Variants in CACNA1C observed in about 807,000 individuals in gnomAD.
The protein encoded by CACNA1C is calcium voltage-gated channel subunit alpha1 C, also known as voltage-dependent L-type calcium channel subunit alpha-1C.
A neutral mutation model predicts 229.0 loss-of-function variants in CACNA1C; 30 were observed. That is an observed-to-expected ratio of 0.13 (90% CI 0.10 to 0.18). CACNA1C has a LOEUF of 0.18. CACNA1C is among the 10% of genes least tolerant of loss of function. The pLI is 1.00. For synonymous variants in CACNA1C, 1,114 were observed against 1,132.5 expected, an observed-to-expected ratio of 0.98 and a Z score of 0.33; for missense variants, 1,658 against 2,845.0, an observed-to-expected ratio of 0.58 and a Z score of 9.49.
At position 2,653,264 on chromosome 12, in the gene CACNA1C, G is replaced by T. The variant is rs1370287127; in HGVS notation, c.4075-571G>T. Among the ~76,000 whole-genome samples the T allele has an allele frequency of 6.6e-6, 1 of 152,192 alleles. No individual in the cohort carries two copies. Among genetic ancestry groups the T allele is most frequent in the Non-Finnish European group, 1.5e-5 (1 of 68,038 alleles). ...GTATTATTATTGTTTCCATTTTTCTGATGAGGAGACTGAAGTTCAGAGAAG... is the reference window on the plus strand; with the variant it reads ...GTATTATTATTGTTTCCATTTTTCTTATGAGGAGACTGAAGTTCAGAGAAG... On this transcript the variant is annotated intron_variant, in intron 32 of 46. Transcript: ENST00000399655. This position sits in a 1 kb window ranked among gnomAD's most constrained non-coding sequence, Gnocchi z 4.7.
At chr12:2,227,737 A>T (rs1417996120) in intron 3 of CACNA1C, among the ~76,000 whole-genome samples, 1 of 152,190 alleles carries the variant, frequency 6.6e-6, no homozygotes, top group Non-Finnish European at 1.5e-5. Flanking sequence ...TACTGATCCT[A>T]AGACATGTTT....
At chr12:2,577,624 C>A (rs1382928060) in intron 13 of CACNA1C, among the ~76,000 whole-genome samples, 2 of 152,216 alleles carry the variant, frequency 1.3e-5, no homozygotes, top group African/African-American at 4.8e-5. Context: ...CACACGCACA[C>A]AAACACACAT....
intron 3 of CACNA1C, among the ~76,000 whole-genome samples, chr12:2,396,293 A>C (rs2098572580): frequency 6.6e-6 from 1 of 152,298 alleles, no homozygotes; most frequent in African/African-American, 2.4e-5. Context: ...ACTCTGGGAA[A>C]CATGGAAATA....
intron 31 of CACNA1C, 95 bp downstream of exon 31, chr12:2,648,602 C>A (rs2094581486): frequency 9.0e-7 from 1 of 1,107,148 alleles, no homozygotes; most frequent in African/African-American, 1.5e-5. Flanking sequence ...CCTGGGAGCC[C>A]TGCCTGGCTC....
chr12:2,067,184 G>C lies in CACNA1C; in HGVS notation c.49+13573G>C, dbSNP rs181423174. On this transcript the variant is annotated intron_variant, in intron 1 of 46. Coordinates refer to ENST00000399655, the MANE Select transcript of CACNA1C (RefSeq NM_000719.7). This position sits in a 1 kb window ranked among gnomAD's most constrained non-coding sequence, Gnocchi z 5.3. ...GGCGTGCCAAGCTCGAGCTGGTGTGGGAGAATCAAGGTGGCCAGTGGGATG... is the reference window on the plus strand; with the variant it reads ...GGCGTGCCAAGCTCGAGCTGGTGTGCGAGAATCAAGGTGGCCAGTGGGATG... 1.1e-3 allele frequency among the ~76,000 whole-genome samples: 160 copies of C among 152,232 alleles called. No individual in the cohort carries two copies. The highest frequency in any genetic ancestry group is 1.7e-3 in the Non-Finnish European group (119 of 68,002).
At chr12:2,087,999 C>T (rs1322112740) in intron 1 of CACNA1C, among the ~76,000 whole-genome samples, 1 of 152,164 alleles carries the variant, frequency 6.6e-6, no homozygotes, top group Non-Finnish European at 1.5e-5. Context: ...GCAGGTTACT[C>T]ACTTGGGTAG....
At chr12:2,183,246 C>CAA (rs74801864) in intron 3 of CACNA1C, among the ~76,000 whole-genome samples, 3,022 of 146,270 alleles carry the variant, frequency 0.021, 100 homozygotes, top group African/African-American at 0.07. Flanking sequence ...ATTCCTGGCT[C>CAA]AAAAAAAAAA....
chr12:2,577,187 C>A (rs1020366312), intron 13 of CACNA1C, among the ~76,000 whole-genome samples: 3 of 152,228 alleles, frequency 2.0e-5, no homozygotes, highest in Non-Finnish European at 2.9e-5. Flanking sequence ...ACAACCATAT[C>A]TCTGTCTGTC....
intron 1 of CACNA1C, among the ~76,000 whole-genome samples, chr12:2,105,962 G>A (rs1371390351): frequency 4.1e-5 from 2 of 48,788 alleles, no homozygotes; most frequent in Admixed American, 1.8e-4. Flanking sequence ...CCCGGGGAGG[G>A]TTTCCACCTC....
intron 3 of CACNA1C, among the ~76,000 whole-genome samples, chr12:2,388,419 A>G (rs755712040): frequency 3.3e-5 from 5 of 152,232 alleles, no homozygotes; most frequent in Non-Finnish European, 7.3e-5. Flanking sequence ...CTTACATCTC[A>G]ATAATATGCA....
chr12:2,669,860 A>C (rs1435113718), intron 38 of CACNA1C, among the ~76,000 whole-genome samples: 1 of 152,208 alleles, frequency 6.6e-6, no homozygotes, highest in Non-Finnish European at 1.5e-5. Context: ...AGTTTTCACA[A>C]GGCACCCTAA....
intron 29 of CACNA1C, among the ~76,000 whole-genome samples, chr12:2,625,217 A>G (rs911594086): frequency 7.9e-5 from 12 of 152,202 alleles, no homozygotes; most frequent in Non-Finnish European, 1.6e-4. Flanking sequence ...AAATAATTAT[A>G]TGACTTGCAT....
intron 1 of CACNA1C, among the ~76,000 whole-genome samples, 197 bp from the exon 2 acceptor site, chr12:2,115,027 G>A (rs2083279122): frequency 6.6e-6 from 1 of 152,200 alleles, no homozygotes; most frequent in Admixed American, 6.5e-5. Flanking sequence ...AGGTCACCCA[G>A]CTAAACCAGG....
chr12:2,301,571 G>T lies in CACNA1C; in HGVS notation c.478-147405G>T, dbSNP rs1309286778. Among the ~76,000 whole-genome samples the T allele has an allele frequency of 7.2e-5, 11 of 152,270 alleles. No homozygotes were observed. In the East Asian group the frequency reaches 2.1e-3, roughly 29 times the overall value. On this transcript the variant is annotated intron_variant, in intron 3 of 46. Transcript: ENST00000399655. ...AAAGACGCTCATTGGCATTTTAAAG[G>T]CTCAGAGAAGTCCTGCAGAAGAAGT...
chr12:2,347,948 C>A (rs960490665), intron 3 of CACNA1C, among the ~76,000 whole-genome samples: 1 of 152,338 alleles, frequency 6.6e-6, no homozygotes, highest in East Asian at 1.9e-4. Context: ...GGGCCAGGAG[C>A]GGGAGGATTA....
chr12:2,356,848 TGAGGCCGCTGGGGCACA>T (rs1340589109), intron 3 of CACNA1C, among the ~76,000 whole-genome samples: 12 of 152,182 alleles, frequency 7.9e-5, no homozygotes, highest in African/African-American at 1.4e-4. Context: ...ATTCCACAGA[TGAGGCCGCTGGGGCACA>T]GAGAGATTGT....
intron 3 of CACNA1C, among the ~76,000 whole-genome samples, chr12:2,289,686 C>A (rs1446946654): frequency 6.6e-6 from 1 of 151,858 alleles, no homozygotes; most frequent in Non-Finnish European, 1.5e-5. Context: ...TTAAACCAGG[C>A]GTTACGTGAT....
chr12:2,596,264 C>T, intron 20 of CACNA1C: 1 of 366,994 alleles, frequency 2.7e-6, no homozygotes. Context: ...TGTGGATGTT[C>T]CCCAGGAAGC....
At chr12:2,028,482 T>C (rs1187343579) in intron 1 of CACNA1C, among the ~76,000 whole-genome samples, 1 of 152,190 alleles carries the variant, frequency 6.6e-6, no homozygotes, top group Non-Finnish European at 1.5e-5. Context: ...AGAATACAGA[T>C]CTTCTATCAG....
Sources: allele counts gnomAD v4.1 joint callset (sites outside exome capture counted in the v4.1 genomes callset), GRCh38; gene constraint gnomAD v4.1.1; non-coding constraint Gnocchi (gnomAD v3.1); transcripts MANE v1.5; gene names NCBI Gene and HGNC (gene_info 2026-07-23, HGNC 2026-07-21).